NAALADL2: variants seen among roughly 807,000 people sequenced by gnomAD.
NAALADL2 encodes the protein inactive N-acetylated-alpha-linked acidic dipeptidase-like protein 2.
NAALADL2 carries 76 observed loss-of-function variants against 87.2 expected under a neutral mutation model. The ratio of observed to expected loss-of-function variants is 0.87; its 90% confidence interval spans 0.72 to 1.05. NAALADL2 has a LOEUF of 1.05. Ranked by LOEUF, NAALADL2 falls within the 50% of genes least tolerant of loss-of-function variation. The pLI is 0.00. For synonymous variants in NAALADL2, 354 were observed against 331.0 expected, an observed-to-expected ratio of 1.07 and a Z score of -0.75; for missense variants, 1,089 against 945.8, an observed-to-expected ratio of 1.15 and a Z score of -1.99.
intron 4 of NAALADL2, among the ~76,000 whole-genome samples, chr3:175,285,580 A>G (rs1310645744): frequency 6.6e-6 from 1 of 152,202 alleles, no homozygotes; most frequent in African/African-American, 2.4e-5. Context: ...TAGCTAAGAA[A>G]AGAAATAATA....
intron 1 of NAALADL2, among the ~76,000 whole-genome samples, chr3:174,970,601 A>G (rs949783022): frequency 6.6e-6 from 1 of 152,200 alleles, no homozygotes; most frequent in African/African-American, 2.4e-5. Flanking sequence ...GACATTATAA[A>G]GAAGAGACAG....
At chr3:175,175,554 T>A (rs555836613) in intron 2 of NAALADL2, among the ~76,000 whole-genome samples, 6 of 152,190 alleles carry the variant, frequency 3.9e-5, no homozygotes, top group Middle Eastern at 3.4e-3. Flanking sequence ...CACATCACAC[T>A]CTATTGTGAA....
chr3:174,870,190 A>G (rs972132454), intron 1 of NAALADL2, among the ~76,000 whole-genome samples: 2 of 151,902 alleles, frequency 1.3e-5, no homozygotes, highest in African/African-American at 4.8e-5. Context: ...CCATTGTGTG[A>G]TATCGCCCCC....
At chr3:175,225,999 A>G (rs1255219343) in intron 2 of NAALADL2, among the ~76,000 whole-genome samples, 2 of 152,132 alleles carry the variant, frequency 1.3e-5, no homozygotes, top group Non-Finnish European at 2.9e-5. Context: ...TCTGGTTTTT[A>G]AATCAAGCTT....
chr3:175,309,118 A>G (rs1758040223), intron 4 of NAALADL2, among the ~76,000 whole-genome samples: 1 of 152,242 alleles, frequency 6.6e-6, no homozygotes, highest in South Asian at 2.1e-4. Context: ...TTTAATGAAG[A>G]AAAATGAATA....
At chr3:175,495,682 A>G (rs1728711118) in intron 9 of NAALADL2, among the ~76,000 whole-genome samples, 1 of 151,924 alleles carries the variant, frequency 6.6e-6, no homozygotes, top group African/African-American at 2.4e-5. Flanking sequence ...CAGATGAATC[A>G]TTTACCACTT....
At chr3:175,465,473 C>CTTTTTTTTTTTTTTTTTTTTTTTTTTTTT (rs71164634) in intron 7 of NAALADL2, among the ~76,000 whole-genome samples, 18 of 106,738 alleles carry the variant, frequency 1.7e-4, no homozygotes, top group East Asian at 1.3e-3. Context: ...TGAATTAAAT[C>CTTTTTTTTTTTTTTTTTTTTTTTTTTTTT]TTTTTTTTTT....
At chr3:175,491,110 C>T (rs1728006217) in intron 9 of NAALADL2, among the ~76,000 whole-genome samples, 1 of 149,348 alleles carries the variant, frequency 6.7e-6, no homozygotes, top group South Asian at 2.1e-4. Context: ...GCTGCCACTT[C>T]CAACACCCCA....
At chr3:175,635,424 T>C (rs1272231941) in intron 11 of NAALADL2, among the ~76,000 whole-genome samples, 1 of 152,126 alleles carries the variant, frequency 6.6e-6, no homozygotes, top group African/African-American at 2.4e-5. Context: ...CTTTTAAAAA[T>C]CTTATAAATA....
chr3:174,780,467 C>T (rs1396031072), intron 3 of NAALADL2, among the ~76,000 whole-genome samples: 1 of 152,078 alleles, frequency 6.6e-6, no homozygotes, highest in Non-Finnish European at 1.5e-5. Flanking sequence ...TATGAATACC[C>T]TTTATTTCTT....
chr3:174,469,709 C>G (rs1379532184), intron 1 of NAALADL2, among the ~76,000 whole-genome samples: 2 of 152,062 alleles, frequency 1.3e-5, no homozygotes, highest in African/African-American at 4.8e-5. Flanking sequence ...GGATTACAGG[C>G]ATGAGCCACC....
intron 3 of NAALADL2, among the ~76,000 whole-genome samples, chr3:175,240,295 C>T (rs541803664): frequency 5.3e-5 from 8 of 152,240 alleles, no homozygotes; most frequent in South Asian, 2.1e-4. Context: ...AGTGCCTTAA[C>T]GTATGAAATC....
chr3:175,574,851 C>T (rs1226198482), intron 9 of NAALADL2, among the ~76,000 whole-genome samples: 1 of 152,092 alleles, frequency 6.6e-6, no homozygotes, highest in African/African-American at 2.4e-5. Flanking sequence ...CAAAGGCAAA[C>T]ATGGATTGAG....
At chr3:175,538,945 A>G (rs77539574) in intron 9 of NAALADL2, among the ~76,000 whole-genome samples, 8,962 of 152,290 alleles carry the variant, frequency 0.059, 883 homozygotes, top group African/African-American at 0.2. Context: ...AAGAGCAGGC[A>G]GAAAAATTCA....
At chr3:174,607,264 A>G (rs542124069) in intron 2 of NAALADL2, among the ~76,000 whole-genome samples, 5 of 152,248 alleles carry the variant, frequency 3.3e-5, no homozygotes, top group East Asian at 1.9e-4. Context: ...TCAACTAACA[A>G]GCAAATCAAC....
At chr3:175,530,122 G>T (rs1201578187) in intron 9 of NAALADL2, among the ~76,000 whole-genome samples, 1 of 152,122 alleles carries the variant, frequency 6.6e-6, no homozygotes, top group Non-Finnish European at 1.5e-5. Flanking sequence ...TTGTTCATGG[G>T]CCCATCGGGC....
At chr3:175,007,010 C>T (rs1479148732) in intron 1 of NAALADL2, among the ~76,000 whole-genome samples, 1 of 151,490 alleles carries the variant, frequency 6.6e-6, no homozygotes, top group Non-Finnish European at 1.5e-5. Flanking sequence ...GCAAAATTAA[C>T]CTTATTCATA....
intron 5 of NAALADL2, among the ~76,000 whole-genome samples, chr3:175,375,481 G>A (rs57812887): frequency 0.56 from 85,199 of 151,822 alleles, 24,223 homozygotes; most frequent in East Asian, 0.65. Flanking sequence ...TTGTGATTTG[G>A]AGCTCTATTA....
chr3:175,094,150 A>C (rs1720693750), intron 1 of NAALADL2, among the ~76,000 whole-genome samples: 1 of 151,906 alleles, frequency 6.6e-6, no homozygotes, highest in African/African-American at 2.4e-5. Context: ...AGAGAGAGAG[A>C]CTCTGATTCA....
Sources: allele counts gnomAD v4.1 joint callset (sites outside exome capture counted in the v4.1 genomes callset), GRCh38; gene constraint gnomAD v4.1.1; transcripts MANE v1.5; gene names NCBI Gene and HGNC (gene_info 2026-07-23, HGNC 2026-07-21).